NLGN1: variants seen among roughly 807,000 people sequenced by gnomAD.
NLGN1 encodes neuroligin-1.
Under a neutral mutation model 65.5 loss-of-function variants are expected in NLGN1, and 12 were observed. The observed-to-expected ratio is 0.18, with a 90% CI of 0.12 to 0.30. The LOEUF (loss-of-function observed/expected upper bound fraction) is 0.30, where lower values mean the gene tolerates loss of function less well. Among genes scored for constraint, NLGN1 ranks in the 10% least tolerant of loss-of-function variants. The pLI is 1.00. For synonymous variants in NLGN1, 350 were observed against 359.5 expected (o/e 0.97, Z 0.30); for missense variants, 750 against 1,007.1 (o/e 0.74, Z 3.46).
chr3:174,282,394 C>T (rs1352300047), exon 7 of NLGN1: 1 of 152,098 alleles, frequency 6.6e-6, no homozygotes, highest in African/African-American at 2.4e-5. Flanking sequence ...GTTCTGAGTT[C>T]TTTGATTTAC....
At chr3:174,028,287 G>A (rs965851659) in intron 4 of NLGN1, among the ~76,000 whole-genome samples, 6 of 152,170 alleles carry the variant, frequency 3.9e-5, no homozygotes, top group Non-Finnish European at 8.8e-5. Context: ...GAAGATGTGG[G>A]AAAATTTGGA....
intron 1 of NLGN1, among the ~76,000 whole-genome samples, chr3:173,426,923 T>G (rs1560236052): frequency 6.6e-6 from 1 of 152,068 alleles, no homozygotes; most frequent in Non-Finnish European, 1.5e-5. Context: ...CTTTAAAAGT[T>G]TGGTAAAACT....
At chr3:174,084,276 A>G (rs2152555264) in intron 4 of NLGN1, among the ~76,000 whole-genome samples, 1 of 152,330 alleles carries the variant, frequency 6.6e-6, no homozygotes, top group South Asian at 2.1e-4. Flanking sequence ...GAATATTTAA[A>G]AAATAATCTA....
chr3:174,240,147 A>G (rs1272039418), intron 4 of NLGN1, among the ~76,000 whole-genome samples: 1 of 152,150 alleles, frequency 6.6e-6, no homozygotes, highest in African/African-American at 2.4e-5. Context: ...GTAATGATAG[A>G]TTTTAAATTC....
chr3:174,113,276 T>C (rs1306572787), intron 4 of NLGN1, among the ~76,000 whole-genome samples: 1 of 152,022 alleles, frequency 6.6e-6, no homozygotes. Context: ...ACTAATTTTA[T>C]GTACTTTCAA....
intron 4 of NLGN1, among the ~76,000 whole-genome samples, chr3:173,969,163 A>G (rs1715609117): frequency 6.6e-6 from 1 of 152,120 alleles, no homozygotes; most frequent in Non-Finnish European, 1.5e-5. Flanking sequence ...GATGAGTTCA[A>G]CATCAAAATG....
At chr3:173,756,376 A>C (rs1777123023) in intron 3 of NLGN1, among the ~76,000 whole-genome samples, 3 of 152,018 alleles carry the variant, frequency 2.0e-5, no homozygotes, top group African/African-American at 4.8e-5. Context: ...TGGATTCATT[A>C]GTTAATGTTG....
At chr3:173,491,340 C>T (rs1168931829) in intron 2 of NLGN1, among the ~76,000 whole-genome samples, 1 of 151,840 alleles carries the variant, frequency 6.6e-6, no homozygotes, top group Non-Finnish European at 1.5e-5. Context: ...TTTTCTGCAT[C>T]TATTGAGATA....
chr3:174,037,261 C>T (rs2152483647), intron 4 of NLGN1, among the ~76,000 whole-genome samples: 1 of 152,250 alleles, frequency 6.6e-6, no homozygotes, highest in African/African-American at 2.4e-5. Flanking sequence ...TCATCAGCAT[C>T]TGTTATTTTT....
intron 4 of NLGN1, among the ~76,000 whole-genome samples, chr3:173,907,232 A>G (rs1738597303): frequency 6.6e-6 from 1 of 152,174 alleles, no homozygotes; most frequent in African/African-American, 2.4e-5. Context: ...TTCTTTTGGA[A>G]AGAATATTTA....
chr3:173,726,520 A>G (rs1384555353), intron 3 of NLGN1, among the ~76,000 whole-genome samples: 1 of 151,940 alleles, frequency 6.6e-6, no homozygotes, highest in Admixed American at 6.6e-5. Flanking sequence ...ACATGACAAT[A>G]CCCTTTATTA....
At chr3:174,021,928 G>A (rs564659412) in intron 4 of NLGN1, among the ~76,000 whole-genome samples, 1 of 152,264 alleles carries the variant, frequency 6.6e-6, no homozygotes, top group Admixed American at 6.5e-5. Context: ...TCTTTCAAGA[G>A]CAAGGTCTGC....
chr3:173,500,411 C>T (rs937732893), intron 2 of NLGN1, among the ~76,000 whole-genome samples: 1 of 152,128 alleles, frequency 6.6e-6, no homozygotes, highest in South Asian at 2.1e-4. Context: ...CCCACTTGAT[C>T]ATGGTGGATA....
chr3:174,151,254 G>A (rs1724291796), intron 4 of NLGN1, among the ~76,000 whole-genome samples: 1 of 151,800 alleles, frequency 6.6e-6, no homozygotes, highest in Non-Finnish European at 1.5e-5. Flanking sequence ...TTAATAACAT[G>A]TTTTTGTATA....
chr3:173,470,812 T>C (rs1361923823), intron 2 of NLGN1, among the ~76,000 whole-genome samples: 1 of 152,148 alleles, frequency 6.6e-6, no homozygotes, highest in Non-Finnish European at 1.5e-5. Flanking sequence ...ATGAAAACCC[T>C]TGTTTATTCA....
intron 4 of NLGN1, among the ~76,000 whole-genome samples, chr3:173,840,320 G>T (rs1442481367): frequency 6.6e-6 from 1 of 152,140 alleles, no homozygotes; most frequent in East Asian, 1.9e-4. Context: ...ATCATATTTG[G>T]TATTTGATTT....
chr3:173,995,293 G>T (rs1365701249), intron 4 of NLGN1, among the ~76,000 whole-genome samples: 1 of 152,156 alleles, frequency 6.6e-6, no homozygotes, highest in Non-Finnish European at 1.5e-5. Context: ...GCTTCTCTCT[G>T]TCCACCTGCC....
intron 3 of NLGN1, among the ~76,000 whole-genome samples, chr3:173,611,601 A>C (rs1166385734): frequency 1.3e-5 from 2 of 152,084 alleles, no homozygotes; most frequent in African/African-American, 2.4e-5. Context: ...TATTTGAATT[A>C]GTAACTGTGG....
intron 4 of NLGN1, among the ~76,000 whole-genome samples, chr3:173,901,241 C>T (rs546649126): frequency 1.3e-5 from 2 of 151,656 alleles, no homozygotes; most frequent in African/African-American, 4.8e-5. Context: ...TGTGCATGTG[C>T]GTGTAATCCT....
Sources: gnomAD v4.1 joint callset for allele counts (sites outside exome capture counted in the v4.1 genomes callset) on GRCh38, gnomAD v4.1.1 for gene constraint, MANE v1.5 for transcripts, NCBI Gene and HGNC (gene_info 2026-07-23, HGNC 2026-07-21) for gene names.